Variants in ROBO1 observed in about 807,000 individuals in gnomAD.
The protein encoded by ROBO1 is roundabout guidance receptor 1, also known as roundabout homolog 1.
Under a neutral mutation model 195.9 loss-of-function variants are expected in ROBO1, and 149 were observed. That is an observed-to-expected ratio of 0.76 (90% CI 0.67 to 0.87). The LOEUF (loss-of-function observed/expected upper bound fraction) is 0.87, where lower values mean the gene tolerates loss of function less well. Among genes scored for constraint, ROBO1 ranks in the 40% least tolerant of loss-of-function variants. The pLI, the probability that ROBO1 is intolerant of heterozygous loss-of-function variation, is 0.00. For missense variants in ROBO1, 1,933 were observed against 2,068.3 expected (o/e 0.93, Z 1.27); for synonymous variants, 816 against 733.2 (o/e 1.11, Z -1.82).
At position 78,646,171 on chromosome 3, in the gene ROBO1, G is replaced by A. The variant is rs115350736; in HGVS notation, c.2859C>T (p.Gly953=). The A allele has an allele frequency of 1.9e-3, 3,078 of 1,604,914 alleles. 40 individuals carry two copies. In the African/African-American group the frequency reaches 0.033, roughly 17 times the overall value. ...FTPTVTYQRG[G]EAVSSGGRPG... is the part of the protein sequence containing the mutation. ...ACCTCCCTCCACTGCTGACAGCTTC[G>A]CCTCCTCTCTGGTAAGTTACTAGAA... Residue 953 remains glycine, a synonymous_variant, in exon 21 of 31, where the codon GGC becomes GGT. Transcript: ENST00000464233.
At chr3:79,639,590 T>C (rs1560061309) in intron 1 of ROBO1, among the ~76,000 whole-genome samples, 1 of 152,188 alleles carries the variant, frequency 6.6e-6, no homozygotes, top group Non-Finnish European at 1.5e-5. Flanking sequence ...TAGTTAAGAA[T>C]GCTGCAAGAG....
chr3:78,707,190 A>AAGCATGTAGTTTACTAGC (rs767363861), intron 8 of ROBO1, among the ~76,000 whole-genome samples: 105 of 152,150 alleles, frequency 6.9e-4, no homozygotes, highest in Non-Finnish European at 1.1e-3. Context: ...TTCTTTTCTG[A>AAGCATGTAGTTTACTAGC]AGCATGTAGT....
chr3:79,272,560 T>C (rs2030661164), intron 2 of ROBO1, among the ~76,000 whole-genome samples: 1 of 152,014 alleles, frequency 6.6e-6, no homozygotes, highest in African/African-American at 2.4e-5. Context: ...GCTTCTCCCA[T>C]CTCCCAGCAG....
At chr3:78,952,503 C>A (rs1353745886) in intron 3 of ROBO1, among the ~76,000 whole-genome samples, 1 of 151,922 alleles carries the variant, frequency 6.6e-6, no homozygotes, top group Non-Finnish European at 1.5e-5. Context: ...TAAATCCTAT[C>A]ATGGGCACTA....
At chr3:79,614,873 G>A (rs989895514) in intron 1 of ROBO1, among the ~76,000 whole-genome samples, 2 of 151,850 alleles carry the variant, frequency 1.3e-5, no homozygotes, top group African/African-American at 2.4e-5. Context: ...TGATTTCAGT[G>A]CAATCCCAAT....
intron 1 of ROBO1, among the ~76,000 whole-genome samples, chr3:79,601,848 C>T (rs1464097277): frequency 2.6e-5 from 4 of 151,866 alleles, no homozygotes; most frequent in African/African-American, 9.7e-5. Context: ...GTATGAAAAC[C>T]TAAAATTAGT....
intron 4 of ROBO1, among the ~76,000 whole-genome samples, chr3:78,888,937 A>G (rs76650006): frequency 0.072 from 10,939 of 152,270 alleles, 573 homozygotes; most frequent in Admixed American, 0.14. Context: ...TGTCATACTG[A>G]ATATAAACAG....
At chr3:79,300,607 G>C (rs757814767) in intron 2 of ROBO1, among the ~76,000 whole-genome samples, 2 of 152,188 alleles carry the variant, frequency 1.3e-5, no homozygotes, top group African/African-American at 2.4e-5. Flanking sequence ...GCGTGCAGGC[G>C]CACTGCAGTG....
intron 4 of ROBO1, among the ~76,000 whole-genome samples, chr3:78,926,775 G>A (rs2039246187): frequency 6.6e-6 from 1 of 152,090 alleles, no homozygotes; most frequent in Non-Finnish European, 1.5e-5. Flanking sequence ...ACAAATCCTC[G>A]AGAAATGGAA....
At chr3:79,129,707 G>A (rs377470235) in intron 2 of ROBO1, among the ~76,000 whole-genome samples, 1 of 152,110 alleles carries the variant, frequency 6.6e-6, no homozygotes, top group African/African-American at 2.4e-5. Context: ...GCTTAATACA[G>A]CTACCTAACA....
At position 78,890,918 on chromosome 3, in the gene ROBO1, C is replaced by T. The variant is rs114065797; in HGVS notation, c.499+47683G>A. ...CTAAGATTACAGGTGTGTACCACCA[C>T]GCCCAACTAATGTTTTTTTAGACAT... On this transcript the variant is annotated intron_variant, in intron 4 of 30. Transcript: ENST00000464233. Among the ~76,000 whole-genome samples, 419 of 152,220 alleles carry T rather than the reference C, an allele frequency of 2.8e-3. 1 individual carries two copies. Among genetic ancestry groups the T allele is most frequent in the African/African-American group, 9.6e-3 (397 of 41,540 alleles).
chr3:79,244,974 A>G (rs1038624175), intron 2 of ROBO1, among the ~76,000 whole-genome samples: 1 of 152,140 alleles, frequency 6.6e-6, no homozygotes, highest in Non-Finnish European at 1.5e-5. Context: ...ATGAAAGAAT[A>G]TAAGGAGATT....
chr3:78,995,830 A>T (rs2077352318), intron 3 of ROBO1, among the ~76,000 whole-genome samples: 2 of 152,024 alleles, frequency 1.3e-5, no homozygotes, highest in South Asian at 4.1e-4. Context: ...TAGGCCCTTC[A>T]AGCCCCTAAA....
At chr3:79,214,711 ATTGCTATATATATATAT>A (rs1254029270) in intron 2 of ROBO1, among the ~76,000 whole-genome samples, 15 of 149,390 alleles carry the variant, frequency 1.0e-4, no homozygotes, top group Non-Finnish European at 2.2e-4. Flanking sequence ...TCTGTTAGTA[ATTGCTATATATATATAT>A]TTGCTATATA....
chr3:79,025,565 T>G (rs1392778713), intron 3 of ROBO1, among the ~76,000 whole-genome samples: 1 of 152,202 alleles, frequency 6.6e-6, no homozygotes, highest in Non-Finnish European at 1.5e-5. Flanking sequence ...TGAAAAATGC[T>G]TCTTTAGTTA....
chr3:78,851,928 A>AT (rs965483143), intron 4 of ROBO1, among the ~76,000 whole-genome samples: 54 of 152,016 alleles, frequency 3.6e-4, no homozygotes, highest in East Asian at 1.2e-3. Context: ...AAATTGAGTG[A>AT]TTTTTTTTAG....
chr3:79,745,041 G>C (rs1703814560), intron 1 of ROBO1, among the ~76,000 whole-genome samples: 2 of 152,038 alleles, frequency 1.3e-5, no homozygotes, highest in Non-Finnish European at 2.9e-5. Context: ...AGCCAGAAGG[G>C]TGCTAGTTAA....
chr3:79,380,709 G>A (rs1318374479), intron 2 of ROBO1, among the ~76,000 whole-genome samples: 1 of 152,106 alleles, frequency 6.6e-6, no homozygotes, highest in Non-Finnish European at 1.5e-5. Context: ...ATGCGACTGA[G>A]ACTGCTCCCA....
At chr3:79,026,408 T>C (rs937960189) in intron 3 of ROBO1, among the ~76,000 whole-genome samples, 5 of 152,196 alleles carry the variant, frequency 3.3e-5, no homozygotes, top group African/African-American at 1.2e-4. Context: ...TGTTTTGGTT[T>C]TTGTGTGTAA....
Sources: gnomAD v4.1 joint callset for allele counts (sites outside exome capture counted in the v4.1 genomes callset) on GRCh38, gnomAD v4.1.1 for gene constraint, MANE v1.5 for transcripts, NCBI Gene and HGNC (gene_info 2026-07-23, HGNC 2026-07-21) for gene names.